Variants in LPCAT4 observed in about 807,000 individuals in gnomAD.
The protein encoded by LPCAT4 is lysophospholipid acyltransferase LPCAT4.
In LPCAT4, 30 loss-of-function variants were observed where a neutral mutation model predicts 66.5. The observed-to-expected ratio is 0.45, with a 90% CI of 0.34 to 0.61. The LOEUF (loss-of-function observed/expected upper bound fraction) is 0.61. LPCAT4 is among the 20% of genes least tolerant of loss of function. The probability of loss-of-function intolerance (pLI) is 0.01; values close to 1 mark genes in which losing one functional copy is unlikely to be tolerated. For synonymous variants in LPCAT4, 253 were observed against 262.1 expected, an observed-to-expected ratio of 0.97 and a Z score of 0.34; for missense variants, 557 against 656.7, an observed-to-expected ratio of 0.85 and a Z score of 1.66.
At chr15:34,362,915 C>G (rs1182928888) in intron 7 of LPCAT4, 79 bp from the exon 8 acceptor site, 18 of 1,431,028 alleles carry the variant, frequency 1.3e-5, no homozygotes, top group Non-Finnish European at 1.8e-5. Flanking sequence ...CACTCCCCTT[C>G]CCCAACCCAG....
intron 2 of LPCAT4, 91 bp from the exon 3 acceptor site, chr15:34,365,319 C>G: frequency 1.5e-6 from 2 of 1,353,550 alleles, no homozygotes; most frequent in Non-Finnish European, 2.0e-6. Flanking sequence ...GGGCACCCCT[C>G]TTTTACCCTT....
At chr15:34,362,045 T>TC (rs34979545) in intron 10 of LPCAT4, 151 bp downstream of exon 10, 1 of 1,079,206 alleles carries the variant, frequency 9.3e-7, no homozygotes, top group Non-Finnish European at 1.3e-6. Flanking sequence ...TTCCATTTAT[T>TC]CCCCACTTCC....
rs1309378009 is a variant in LPCAT4 at position 34,364,291 on chromosome 15, T to C, written c.494A>G (p.Asn165Ser). The C allele has an allele frequency of 6.2e-7, 1 of 1,613,488 alleles. No homozygotes were observed. The highest frequency in any genetic ancestry group is 8.5e-7 in the Non-Finnish European group (1 of 1,179,472). Reference sequence around the variant, plus strand: ...ATGCCGGGATACCAGGATGGCTTGGTTGAATCGAAGAAGGGCTGGGGTTGG... The same window carrying C: ...ATGCCGGGATACCAGGATGGCTTGGCTGAATCGAAGAAGGGCTGGGGTTGG... ...VPVIGALLRF[N>S]QAILVSRHDP... The change falls in exon 4 of 14, where the codon AAC becomes AGC. Residue 165 changes from asparagine to serine, a missense_variant. By Grantham distance (46) the Asn-to-Ser change is conservative (BLOSUM62 1). Coordinates refer to ENST00000314891, the MANE Select transcript of LPCAT4 (RefSeq NM_153613.3).
chr15:34,364,378 C>T (rs934140678), intron 3 of LPCAT4, 72 bp from the exon 4 acceptor site: 3 of 829,240 alleles, frequency 3.6e-6, no homozygotes, highest in African/African-American at 3.5e-5. Context: ...GCAGCCTCCA[C>T]TTCCTCAACA....
Position 34,363,545 on chromosome 15 carries a change from AC to A in LPCAT4, c.712-90del. ...ACCTTTGAACAGAGGGCCTGATCCC[AC>A]CTCTGGTCACAGCCCCCAATGCACA... On this transcript the variant is annotated intron_variant, in intron 6 of 13. Coordinates refer to ENST00000314891, the MANE Select transcript of LPCAT4 (RefSeq NM_153613.3). The surrounding 1 kb of genome is among the most constrained non-coding windows in gnomAD (Gnocchi z 4.3). The A allele has an allele frequency of 6.3e-7, 1 of 1,593,006 alleles. No homozygotes were observed. Among genetic ancestry groups the A allele is most frequent in the Non-Finnish European group, 8.6e-7 (1 of 1,161,574 alleles).
At position 34,362,190 on chromosome 15, in the gene LPCAT4, A is replaced by C. The variant is rs545778617; in HGVS notation, c.1010+6T>G. 1.7e-5 allele frequency: 27 copies of C among 1,611,126 alleles called. No homozygotes were observed. The African/African-American group carries it at 3.4e-4, about 20-fold the overall frequency. On this transcript the variant is annotated splice_donor_region_variant and intron_variant, in intron 10 of 13. Transcript: ENST00000314891. ...TGCTCATACCCTCATTTCCAAGACC[A>C]CTTACCCAGCCTTCCGAAGCACTTT...
chr15:34,366,560 C>T (rs1237789497), intron 1 of LPCAT4, among the ~76,000 whole-genome samples: 10 of 152,038 alleles, frequency 6.6e-5, no homozygotes, highest in Admixed American at 6.5e-4. Context: ...CGCAGGCTCC[C>T]GGCCCAGAAA....
Position 34,364,222 on chromosome 15 carries a change from C to G in LPCAT4, c.563G>C (p.Arg188Pro). Reference sequence around the variant, plus strand: ...CGGCCACTTGCCTCCTGAGGTGGCCCGCCTTCGGACCTCCTCCACCACTCT... The same window carrying G: ...CGGCCACTTGCCTCCTGAGGTGGCCGGCCTTCGGACCTCCTCCACCACTCT... ...RRRVVEEVRR[R>P]ATSGGKWPQV... Residue 188 changes from arginine to proline, a missense_variant, in exon 4 of 14, where the codon CGG becomes CCG. This residue lies in a region of LPCAT4 where 392 missense variants were observed against 473.9 expected (regional missense o/e 0.83). Transcript: ENST00000314891. 1 of 1,613,860 alleles carries G rather than the reference C, an allele frequency of 6.2e-7. No homozygotes were observed. The highest frequency in any genetic ancestry group is 8.5e-7 in the Non-Finnish European group (1 of 1,179,760).
chr15:34,365,945 A>G, intron 1 of LPCAT4: 1 of 471,018 alleles, frequency 2.1e-6, no homozygotes, highest in East Asian at 3.4e-5. Context: ...TCCCTACCCC[A>G]TTTATAAAAC....
chr15:34,364,997 A>T lies in LPCAT4; in HGVS notation c.478+11T>A. On this transcript the variant is annotated intron_variant, in intron 3 of 13. Coordinates refer to ENST00000314891, the MANE Select transcript of LPCAT4 (RefSeq NM_153613.3). ...GTCACCCTGCCCTTCACCCCCTTTG[A>T]ACTCTCTCACCTCCAATGACAGGAA... 1 of 1,599,684 alleles carries T rather than the reference A, an allele frequency of 6.3e-7. No homozygotes were observed. The highest frequency in any genetic ancestry group is 8.6e-7 in the Non-Finnish European group (1 of 1,169,226).
In LPCAT4 at chr15:34,359,731, C is replaced by G; in HGVS notation, c.1257G>C (p.Glu419Asp). Residue 419 changes from glutamate (E) to aspartate (D), a missense_variant, in exon 13 of 14, where the codon GAG becomes GAC. Coordinates refer to ENST00000314891, the MANE Select transcript of LPCAT4 (RefSeq NM_153613.3). ...TRLAFELFAE[E>D]QAEGPNRLLY... ...GCAGGCGGTTGGGACCCTCTGCTTG[C>G]TCTTCAGCAAAGAGCTTGGGAGAGA... is the stretch of plus-strand genomic sequence containing the variant. The G allele has an allele frequency of 6.2e-7, 1 of 1,612,918 alleles. No individual in the cohort carries two copies. The highest frequency in any genetic ancestry group is 8.5e-7 in the Non-Finnish European group (1 of 1,179,674).
At chr15:34,366,624 G>GCCCCCA (rs1220852341) in intron 1 of LPCAT4, among the ~76,000 whole-genome samples, 5 of 41,612 alleles carry the variant, frequency 1.2e-4, no homozygotes, top group Non-Finnish European at 1.6e-4. Flanking sequence ...CCCCGCCCCC[G>GCCCCCA]CCCCCACCCC....
chr15:34,363,704 C>G lies in LPCAT4; in HGVS notation c.668G>C (p.Gly223Ala), dbSNP rs756183540. Residue 223 changes from glycine to alanine, a missense_variant, in exon 6 of 14, where the codon GGG (glycine) becomes GCG (alanine). Around this residue, in one of 4 missense-constraint regions of LPCAT4, gnomAD observed 392 missense variants for 473.9 expected, o/e 0.83. Transcript: ENST00000314891. This position sits in a 1 kb window ranked among gnomAD's most constrained non-coding sequence, Gnocchi z 4.3. ...LKFKPGAFIA[G>A]VPVQPVLIRY... is the part of the protein sequence containing the mutation. ...GATGAGGACAGGCTGCACAGGCACC[C>G]CTGCGATGAAGGCTCCTAAATCCCA... 1 of 1,614,144 alleles carries G rather than the reference C, an allele frequency of 6.2e-7. No homozygotes were observed. The highest frequency in any genetic ancestry group is 8.5e-7 in the Non-Finnish European group (1 of 1,180,030).
intron 2 of LPCAT4, 102 bp from the exon 3 acceptor site, chr15:34,365,330 A>C (rs925342856): frequency 1.5e-6 from 2 of 1,307,734 alleles, no homozygotes; most frequent in African/African-American, 2.9e-5. Context: ...TTTTACCCTT[A>C]AATAGGATGT....
chr15:34,365,929 A>C (rs1414491562), intron 1 of LPCAT4: 14 of 532,300 alleles, frequency 2.6e-5, no homozygotes, highest in South Asian at 2.5e-5. Flanking sequence ...CCTGTCTTTC[A>C]GTTGGTCCCT....
Position 34,359,609 on chromosome 15 carries a change from G to T in LPCAT4, c.1379C>A (p.Ser460Tyr). ...ALHAELCQAG[S>Y]SQGLSLCQFQ... is the part of the protein sequence containing the mutation. Reference sequence around the variant, plus strand: ...CTCACAGAGGGAGAGGCCTTGGCTGGATCCTGCCTGGCACAGCTCAGCATG... The same window carrying T: ...CTCACAGAGGGAGAGGCCTTGGCTGTATCCTGCCTGGCACAGCTCAGCATG... Residue 460 changes from serine (S) to tyrosine (Y), a missense_variant, in exon 13 of 14, where the codon TCC (serine) becomes TAC (tyrosine). Transcript: ENST00000314891. The T allele has an allele frequency of 6.2e-7, 1 of 1,612,760 alleles. No homozygotes were observed. Among genetic ancestry groups the T allele is most frequent in the Non-Finnish European group, 8.5e-7 (1 of 1,179,986 alleles).
At chr15:34,359,867 C>A (rs1709746012) in intron 12 of LPCAT4, 122 bp from the exon 13 acceptor site, 1 of 990,116 alleles carries the variant, frequency 1.0e-6, no homozygotes, top group Non-Finnish European at 1.5e-6. Context: ...CTTCCCTGAC[C>A]CTCCAGTGCC....
chr15:34,366,845 G>T, intron 1 of LPCAT4, 142 bp downstream of exon 1: 1 of 1,321,604 alleles, frequency 7.6e-7, no homozygotes, highest in Non-Finnish European at 1.0e-6. Flanking sequence ...CCGCCCCCAC[G>T]TGCGCACCCC....
At chr15:34,364,896 G>T in intron 3 of LPCAT4, 112 bp downstream of exon 3, 1 of 822,920 alleles carries the variant, frequency 1.2e-6, no homozygotes, top group African/African-American at 1.7e-5. Flanking sequence ...TATTTCACTT[G>T]CCAACAGTCC....
Sources: gnomAD v4.1 joint callset for allele counts (sites outside exome capture counted in the v4.1 genomes callset) on GRCh38, gnomAD v4.1.1 for gene constraint, gnomAD v4.1.1 regional missense constraint, Gnocchi (gnomAD v3.1) non-coding constraint, MANE v1.5 for transcripts, NCBI Gene and HGNC (gene_info 2026-07-23, HGNC 2026-07-21) for gene names.